The following SHANK2 variants were observed in gnomAD, a reference collection of about 807,000 sequenced individuals.
SHANK2 encodes the protein SH3 and multiple ankyrin repeat domains 2.
In SHANK2, 43 loss-of-function variants were observed where a neutral mutation model predicts 133.7. The observed-to-expected ratio is 0.32, with a 90% CI of 0.25 to 0.41. The LOEUF (loss-of-function observed/expected upper bound fraction) is 0.41. Among genes scored for constraint, SHANK2 ranks in the 10% least tolerant of loss-of-function variants. SHANK2 has a pLI of 1.00. For missense variants in SHANK2, 1,994 were observed against 2,235.8 expected, an observed-to-expected ratio of 0.89 and a Z score of 2.18; for synonymous variants, 1,017 against 952.8, an observed-to-expected ratio of 1.07 and a Z score of -1.24.
At chr11:70,823,753 G>A (rs1327648086) in intron 11 of SHANK2, among the ~76,000 whole-genome samples, 1 of 150,108 alleles carries the variant, frequency 6.7e-6, no homozygotes, top group Non-Finnish European at 1.5e-5. Context: ...GGCGTTGGCA[G>A]CGTTCATGGG....
Position 70,479,494 on chromosome 11 carries a change from C to T in SHANK2, c.4979+5820G>A, listed in dbSNP as rs1555150939. On this transcript the variant is annotated intron_variant, in intron 25 of 25. Coordinates refer to ENST00000601538, the MANE Select transcript of SHANK2 (RefSeq NM_012309.5). This position sits in a 1 kb window ranked among gnomAD's most constrained non-coding sequence, Gnocchi z 4.4. ...AGGTAGCCTGAACTCCCTCAGGGGC[C>T]TCTGGGACCTGGAGTTTCACAGGAC... is the stretch of plus-strand genomic sequence containing the variant. Among the ~76,000 whole-genome samples the T allele has an allele frequency of 1.3e-5, 2 of 152,234 alleles. No homozygotes were observed. Among genetic ancestry groups the T allele is most frequent in the Non-Finnish European group, 2.9e-5 (2 of 68,040 alleles).
chr11:70,851,959 C>T (rs576509867), intron 11 of SHANK2, among the ~76,000 whole-genome samples: 1 of 152,332 alleles, frequency 6.6e-6, no homozygotes, highest in South Asian at 2.1e-4. Context: ...AATCACTGCC[C>T]CATGAAACTC....
chr11:70,767,406 G>T (rs1438557514), intron 14 of SHANK2, among the ~76,000 whole-genome samples: 2 of 152,182 alleles, frequency 1.3e-5, no homozygotes, highest in African/African-American at 4.8e-5. Flanking sequence ...ACATATGGAC[G>T]TTCACAGCCG....
At chr11:70,706,041 G>A (rs946029716) in intron 14 of SHANK2, 1 of 152,488 alleles carries the variant, frequency 6.6e-6, no homozygotes, top group African/African-American at 2.4e-5. Context: ...CAGACACCAC[G>A]TGGCCCTGCC....
Position 70,473,559 on chromosome 11 carries a change from G to T in SHANK2, c.4980-120C>A. ...AACCATGCCAGAGTGTCTAGTGGCA[G>T]ATCCACTGGCAGTGAACGAATGATT... On this transcript the variant is annotated intron_variant, in intron 25 of 25. Coordinates refer to ENST00000601538, the MANE Select transcript of SHANK2 (RefSeq NM_012309.5). The surrounding 1 kb of genome is among the most constrained non-coding windows in gnomAD (Gnocchi z 5.9). 1 of 928,964 alleles carries T rather than the reference G, an allele frequency of 1.1e-6. No homozygotes were observed. The highest frequency in any genetic ancestry group is 1.7e-6 in the Non-Finnish European group (1 of 590,604). The allele number at this position is 928,964 out of a possible 1,614,324, so 57.5% of individuals were successfully genotyped here.
intron 11 of SHANK2, among the ~76,000 whole-genome samples, chr11:70,850,666 C>T (rs1020103020): frequency 4.6e-5 from 7 of 152,226 alleles, no homozygotes; most frequent in African/African-American, 1.7e-4. Flanking sequence ...GTGCCTGCAG[C>T]TCCCGTGGGC....
At chr11:70,835,673 G>A (rs1392832429) in intron 11 of SHANK2, among the ~76,000 whole-genome samples, 1 of 152,224 alleles carries the variant, frequency 6.6e-6, no homozygotes, top group Non-Finnish European at 1.5e-5. Context: ...ACCTGATGGG[G>A]TCCTTTGTTC....
chr11:71,112,883 T>G (rs535360263), intron 5 of SHANK2, among the ~76,000 whole-genome samples: 128 of 152,290 alleles, frequency 8.4e-4, no homozygotes, highest in African/African-American at 3.1e-3. Context: ...GCAGTCTAAC[T>G]TCAGTGCAAT....
chr11:70,951,413 A>T (rs1294653545), intron 10 of SHANK2, among the ~76,000 whole-genome samples: 1 of 134,200 alleles, frequency 7.5e-6, no homozygotes, highest in Non-Finnish European at 1.5e-5. Flanking sequence ...TTGCATTGTG[A>T]CATCATAAAT....
In SHANK2 at chr11:70,500,706, G is replaced by C; in HGVS notation, c.2288-116C>G. On this transcript the variant is annotated intron_variant, in intron 20 of 25. Coordinates refer to ENST00000601538, the MANE Select transcript of SHANK2 (RefSeq NM_012309.5). The surrounding 1 kb of genome is among the most constrained non-coding windows in gnomAD (Gnocchi z 4.5). ...AGGAGCAGGCTGGGCCGGCAATGGG[G>C]CGGCAGGCAGGGGCTGTCTGGAACG... 7.2e-7 allele frequency: 1 copy of C among 1,387,268 alleles called. No individual in the cohort carries two copies. The highest frequency in any genetic ancestry group is 1.4e-5 in the African/African-American group (1 of 69,930). The allele number at this position is 1,387,268 out of a possible 1,614,324, so 85.9% of individuals were successfully genotyped here.
intron 2 of SHANK2, among the ~76,000 whole-genome samples, chr11:71,205,972 A>T (rs1471083828): frequency 6.6e-6 from 1 of 152,158 alleles, no homozygotes; most frequent in Non-Finnish European, 1.5e-5. Context: ...AGCTCCAATC[A>T]GGGCTGAGCT....
chr11:70,499,499 T>A (rs1337788649), intron 21 of SHANK2, among the ~76,000 whole-genome samples: 2 of 152,218 alleles, frequency 1.3e-5, no homozygotes, highest in Non-Finnish European at 2.9e-5. Context: ...ACTTCTGTTG[T>A]CCCACGCTGT....
chr11:70,502,752 C>CCCCGT, intron 18 of SHANK2, 44 bp downstream of exon 18: 1 of 1,345,264 alleles, frequency 7.4e-7, no homozygotes, highest in South Asian at 1.3e-5. Flanking sequence ...CCCCCCCCCC[C>CCCCGT]CAGTAGGGCC....
chr11:70,840,357 C>G (rs1555061298), intron 11 of SHANK2, among the ~76,000 whole-genome samples: 1 of 152,222 alleles, frequency 6.6e-6, no homozygotes, highest in East Asian at 1.9e-4. Flanking sequence ...TGGGTGCTAC[C>G]TCTGCCTGGC....
rs200809509 is a variant in SHANK2, at chr11:70,729,486, CT to C, written c.1778-30724del. Among the ~76,000 whole-genome samples, 84 of 151,208 alleles carry C rather than the reference CT, an allele frequency of 5.6e-4. No homozygotes were observed. In the East Asian group the frequency reaches 0.015, roughly 27 times the overall value. On this transcript the variant is annotated intron_variant, in intron 14 of 25. Coordinates refer to ENST00000601538, the MANE Select transcript of SHANK2 (RefSeq NM_012309.5). ...AGAGAGAGGTGGCTGTTGTACATAC[CT>C]GTGAATGTACTCATGCCACTGCACT...
At chr11:71,161,050 C>G (rs1353466054) in intron 2 of SHANK2, among the ~76,000 whole-genome samples, 4 of 152,234 alleles carry the variant, frequency 2.6e-5, no homozygotes, top group African/African-American at 9.6e-5. Flanking sequence ...CCCCCAGCTG[C>G]TCTTTGCCAA....
chr11:70,879,962 T>G (rs1485088952), intron 11 of SHANK2, among the ~76,000 whole-genome samples: 1 of 152,200 alleles, frequency 6.6e-6, no homozygotes, highest in Non-Finnish European at 1.5e-5. Flanking sequence ...AGCCAGATGT[T>G]TCTCCGAGTT....
chr11:70,512,433 T>C lies in SHANK2; in HGVS notation c.2062-9502A>G, dbSNP rs77155085. 8.9e-3 allele frequency among the ~76,000 whole-genome samples: 1,357 copies of C among 152,356 alleles called. 14 individuals carry two copies. The highest frequency in any genetic ancestry group is 0.03 in the South Asian group (143 of 4,824). On this transcript the variant is annotated intron_variant, in intron 17 of 25. Transcript: ENST00000601538. ...CCATTCAGGATTTACATCATGACTATGTAAAATCTATTCATAGCTTAAACT... is the reference window on the plus strand; with the variant it reads ...CCATTCAGGATTTACATCATGACTACGTAAAATCTATTCATAGCTTAAACT...
chr11:70,783,270 G>A (rs1284927180), intron 14 of SHANK2, among the ~76,000 whole-genome samples: 3 of 152,178 alleles, frequency 2.0e-5, no homozygotes, highest in African/African-American at 7.2e-5. Context: ...GCAGAATTCA[G>A]AAAAGCAGAG....
Sources: allele counts gnomAD v4.1 joint callset (sites outside exome capture counted in the v4.1 genomes callset), GRCh38; gene constraint gnomAD v4.1.1; non-coding constraint Gnocchi (gnomAD v3.1); transcripts MANE v1.5; gene names NCBI Gene and HGNC (gene_info 2026-07-23, HGNC 2026-07-21).